Variants in HMCN2 observed in about 807,000 individuals in gnomAD.
The protein encoded by HMCN2 is hemicentin-2.
HMCN2 carries 325 observed loss-of-function variants against 377.5 expected under a neutral mutation model. The ratio of observed to expected loss-of-function variants is 0.86; its 90% CI spans 0.79 to 0.94. HMCN2 has a LOEUF of 0.94. HMCN2 is among the 40% of genes least tolerant of loss of function. HMCN2 has a pLI of 0.00. For synonymous variants in HMCN2, 2,007 were observed against 2,046.8 expected, an observed-to-expected ratio of 0.98 and a Z score of 0.53; for missense variants, 4,543 against 4,725.3, an observed-to-expected ratio of 0.96 and a Z score of 1.13.
rs1337911748 is a variant in HMCN2, at chr9:130,348,998, C to T, written c.4170C>T (p.Gly1390=). 18 of 1,303,874 alleles carry T rather than the reference C, an allele frequency of 1.4e-5. No homozygotes were observed. Among genetic ancestry groups the T allele is most frequent in the South Asian group, 6.2e-5 (5 of 81,024 alleles). 80.8% of individuals were successfully genotyped at this position (1,303,874 alleles called of 1,614,324 possible). A position where few individuals can be genotyped will look rare whatever the true frequency, so the allele number is the denominator to read the frequency against. Residue 1390 remains glycine (G), a synonymous_variant, in exon 28 of 98, where the codon GGC becomes GGT. Coordinates refer to ENST00000683500, the MANE Select transcript of HMCN2 (RefSeq NM_001291815.2). ...LKDAQLIPKV[G]GHRLLDEGQS... ...CTCCTACCCAGATTCCTAAGGTGGG[C>T]GGCCACCGCCTCCTGGACGAGGGCC... is the stretch of plus-strand genomic sequence containing the variant.
chr9:130,306,198 G>A lies in HMCN2; in HGVS notation c.1886G>A (p.Cys629Tyr). The change falls in exon 12 of 98, where the codon TGC becomes TAC. Residue 629 changes from cysteine to tyrosine, a missense_variant. Coordinates refer to ENST00000683500, the MANE Select transcript of HMCN2 (RefSeq NM_001291815.2). ...CAAGGTGTGGAGGTGAAGGTCAGCT[G>A]CTCAGCCTCTGGATACCCCACACCC... ...FSQGVEVKVS[C>Y]SASGYPTPHI... is the part of the protein sequence containing the mutation. 2.1e-6 allele frequency: 1 copy of A among 471,096 alleles called. No homozygotes were observed. The highest frequency in any genetic ancestry group is 4.4e-6 in the Non-Finnish European group (1 of 227,040). The allele number at this position is 471,096 out of a possible 1,614,324, so 29.2% of individuals were successfully genotyped here.
intron 57 of HMCN2, among the ~76,000 whole-genome samples, chr9:130,383,894 C>A (rs925119702): frequency 6.6e-6 from 1 of 152,360 alleles, no homozygotes; most frequent in Admixed American, 6.5e-5. Flanking sequence ...TGACTCCTTC[C>A]AGCAGAGCTA....
At position 130,349,566 on chromosome 9, in the gene HMCN2, G is replaced by T; in HGVS notation, c.4333G>T (p.Ala1445Ser). 2.3e-6 allele frequency: 3 copies of T among 1,303,518 alleles called. No individual in the cohort carries two copies. Among genetic ancestry groups the T allele is most frequent in the Non-Finnish European group, 3.0e-6 (3 of 988,842 alleles). 80.7% of individuals were successfully genotyped at this position (1,303,518 alleles called of 1,614,324 possible). Residue 1445 changes from alanine to serine, a missense_variant, in exon 29 of 98, where the codon GCT (alanine) becomes TCT (serine). Physicochemically the swap from Ala to Ser is moderately conservative, Grantham distance 99. Transcript: ENST00000683500. ...TPPSVLGAGA[A>S]QEVLGLAGAD... is the part of the protein sequence containing the mutation. ...TCCTTCCGTGCTTGGAGCCGGGGCC[G>T]CTCAGGAGGTGCTAGGATTGGCCGG...
At chr9:130,385,796 C>A in intron 60 of HMCN2, 34 bp downstream of exon 60, 1 of 1,285,792 alleles carries the variant, frequency 7.8e-7, no homozygotes, top group Non-Finnish European at 1.0e-6. Flanking sequence ...CAGCCATGAG[C>A]GCTGCAGGAA....
chr9:130,392,953 G>A (rs1475714934), intron 66 of HMCN2, among the ~76,000 whole-genome samples: 3 of 151,688 alleles, frequency 2.0e-5, no homozygotes, highest in East Asian at 1.9e-4. Flanking sequence ...CCGAGATCGT[G>A]CCACTGCACT....
intron 65 of HMCN2, 119 bp from the exon 66 acceptor site, chr9:130,391,816 G>C: frequency 1.6e-6 from 1 of 624,190 alleles, no homozygotes; most frequent in African/African-American, 2.0e-5. Context: ...CCTTCACAAG[G>C]GACCACTGTG....
intron 84 of HMCN2, among the ~76,000 whole-genome samples, chr9:130,409,303 CG>C (rs1270001214): frequency 6.6e-6 from 1 of 152,204 alleles, no homozygotes; most frequent in Non-Finnish European, 1.5e-5. Context: ...TATTTACAGA[CG>C]AAGACACTGA....
At chr9:130,397,443 G>A (rs1012198620) in intron 73 of HMCN2, 85 bp from the exon 74 acceptor site, 6 of 1,196,412 alleles carry the variant, frequency 5.0e-6, no homozygotes, top group South Asian at 4.2e-5. Context: ...GAAAGTGGGG[G>A]CAGAGGGAAG....
At chr9:130,336,949 T>TGG (rs1171560739) in intron 22 of HMCN2, among the ~76,000 whole-genome samples, 5 of 151,858 alleles carry the variant, frequency 3.3e-5, no homozygotes, top group African/African-American at 4.8e-5. Context: ...GAAAGCAAGG[T>TGG]GGGGGCCAGG....
Position 130,430,548 on chromosome 9 carries a change from G to A in HMCN2, c.14591G>A (p.Ser4864Asn). ...CGTCCGGGTCCCATGGCCCTGAGCA[G>A]TGTGGGCCGGGCCTGGTGCCCTCCT... is the stretch of plus-strand genomic sequence containing the variant. ...SLRPGPMALS[S>N]VGRAWCPPGF... The change falls in exon 95 of 98, where the codon AGT becomes AAT. Residue 4864 changes from serine to asparagine, a missense_variant. Around this residue, in one of 5 missense-constraint regions of HMCN2, gnomAD observed 1,155 missense variants for 1,157.7 expected, o/e 1.00. Coordinates refer to ENST00000683500, the MANE Select transcript of HMCN2 (RefSeq NM_001291815.2). 6.4e-7 allele frequency: 1 copy of A among 1,550,570 alleles called. No individual in the cohort carries two copies. Among genetic ancestry groups the A allele is most frequent in the Non-Finnish European group, 8.7e-7 (1 of 1,146,964 alleles).
At position 130,304,581 on chromosome 9, in the gene HMCN2, AC is replaced by A; in HGVS notation, c.1544-146del. The A allele has an allele frequency of 5.7e-6, 2 of 352,184 alleles. No individual in the cohort carries two copies. Among genetic ancestry groups the A allele is most frequent in the Non-Finnish European group, 1.1e-5 (2 of 175,906 alleles). 21.8% of individuals were successfully genotyped at this position (352,184 alleles called of 1,614,324 possible). A position where few individuals can be genotyped will look rare whatever the true frequency, so the allele number is the denominator to read the frequency against. ...GCCTGATGGTGAGCAGATGCTGGTC[AC>A]CCTATGCTGCTAGCTGACATGTCCT... On this transcript the variant is annotated intron_variant, in intron 10 of 97. Coordinates refer to ENST00000683500, the MANE Select transcript of HMCN2 (RefSeq NM_001291815.2). This position sits in a 1 kb window ranked among gnomAD's most constrained non-coding sequence, Gnocchi z 4.3.
chr9:130,418,462 G>T (rs79145781), intron 85 of HMCN2, among the ~76,000 whole-genome samples: 1 of 152,096 alleles, frequency 6.6e-6, no homozygotes, highest in East Asian at 1.9e-4. Context: ...TGGGAGGATC[G>T]CTTGAACCCA....
chr9:130,356,112 C>T lies in HMCN2; in HGVS notation c.5280C>T (p.Ala1760=), dbSNP rs772814680. The T allele has an allele frequency of 2.4e-5, 31 of 1,295,406 alleles. No individual in the cohort carries two copies. Among genetic ancestry groups the T allele is most frequent in the East Asian group, 1.7e-4 (3 of 17,990 alleles). The allele number at this position is 1,295,406 out of a possible 1,614,324, so 80.2% of individuals were successfully genotyped here. The change falls in exon 34 of 98, where the codon GCC becomes GCT. Residue 1760 remains alanine, a synonymous_variant. Coordinates refer to ENST00000683500, the MANE Select transcript of HMCN2 (RefSeq NM_001291815.2). ...GGTGGCTGCAGAATGGCCGCCCAGC[C>T]GAGGAGCTGGCTGGGGTGCAGGTGG... The part of the protein sequence containing the change: ...TIQWLQNGRP[A]EELAGVQVAS...
At chr9:130,339,368 A>G (rs924044187) in intron 23 of HMCN2, among the ~76,000 whole-genome samples, 4 of 152,074 alleles carry the variant, frequency 2.6e-5, no homozygotes, top group Non-Finnish European at 5.9e-5. Context: ...TTACGGAAAA[A>G]ATGTGCTGCC....
At chr9:130,312,375 G>A (rs1000203606) in intron 15 of HMCN2, among the ~76,000 whole-genome samples, 271 of 152,078 alleles carry the variant, frequency 1.8e-3, no homozygotes, top group African/African-American at 6.2e-3. Context: ...TGAGCAGATA[G>A]GGTGCTCCAG....
intron 13 of HMCN2, 100 bp downstream of exon 13, chr9:130,307,038 CGCACCG>C: frequency 2.6e-6 from 1 of 379,144 alleles, no homozygotes; most frequent in South Asian, 2.0e-5. Flanking sequence ...TTACCTGTCA[CGCACCG>C]GGGACACGGC....
chr9:130,363,517 G>A (rs1725184527), intron 40 of HMCN2, among the ~76,000 whole-genome samples: 2 of 152,092 alleles, frequency 1.3e-5, no homozygotes, highest in South Asian at 4.2e-4. Flanking sequence ...GGGCTCTGTG[G>A]AGGTATAAGA....
At position 130,352,917 on chromosome 9, in the gene HMCN2, T is replaced by C. The variant is rs1224995210; in HGVS notation, c.4586-10T>C. ...CTGCCTGTGACCAGCCCCACCTCTT[T>C]CCTTCTCAGCGCCCCCCACTATCTG... On this transcript the variant is annotated splice_polypyrimidine_tract_variant and intron_variant, in intron 30 of 97. Coordinates refer to ENST00000683500, the MANE Select transcript of HMCN2 (RefSeq NM_001291815.2). 7 of 1,260,008 alleles carry C rather than the reference T, an allele frequency of 5.6e-6. No homozygotes were observed. Among genetic ancestry groups the C allele is most frequent in the Non-Finnish European group, 7.3e-6 (7 of 965,470 alleles). The allele number at this position is 1,260,008 out of a possible 1,614,324, so 78.1% of individuals were successfully genotyped here.
Position 130,403,230 on chromosome 9 carries a change from G to A in HMCN2, c.11915G>A (p.Arg3972Gln), listed in dbSNP as rs764451739. The A allele has an allele frequency of 3.1e-5, 40 of 1,289,724 alleles. No individual in the cohort carries two copies. The East Asian group carries it at 5.0e-4, about 16-fold the overall frequency. 79.9% of individuals were successfully genotyped at this position (1,289,724 alleles called of 1,614,324 possible). A position where few individuals can be genotyped will look rare whatever the true frequency, so the allele number is the denominator to read the frequency against. ...PVVKPLPSVV[R>Q]AVAEEEVLLP... is the part of the protein sequence containing the mutation. ...GTGAAGCCGCTGCCCAGCGTGGTTC[G>A]GGCAGTGGCAGAGGAGGAGGTGCTG... The change falls in exon 79 of 98, where the codon CGG becomes CAG. Residue 3972 changes from arginine (R) to glutamine (Q), a missense_variant. Arg to Gln is a conservative substitution (Grantham distance 43). Coordinates refer to ENST00000683500, the MANE Select transcript of HMCN2 (RefSeq NM_001291815.2).
Sources: gnomAD v4.1 joint callset for allele counts (sites outside exome capture counted in the v4.1 genomes callset) on GRCh38, gnomAD v4.1.1 for gene constraint, gnomAD v4.1.1 regional missense constraint, Gnocchi (gnomAD v3.1) non-coding constraint, MANE v1.5 for transcripts, NCBI Gene and HGNC (gene_info 2026-07-23, HGNC 2026-07-21) for gene names.